SLC2A13: variants seen among roughly 807,000 people sequenced by gnomAD.
SLC2A13 encodes proton myo-inositol cotransporter.
Under a neutral mutation model 64.4 loss-of-function variants are expected in SLC2A13, and 32 were observed. That is an observed-to-expected ratio of 0.50 (90% CI 0.37 to 0.67). SLC2A13 has a LOEUF of 0.67. Ranked by LOEUF, SLC2A13 falls within the 30% of genes least tolerant of loss-of-function variation. The probability of loss-of-function intolerance (pLI) is 0.00; values close to 1 mark genes in which losing one functional copy is unlikely to be tolerated. For synonymous variants in SLC2A13, 338 were observed against 327.1 expected (o/e 1.03, Z -0.36); for missense variants, 743 against 829.2 (o/e 0.90, Z 1.28).
At chr12:39,915,833 A>T (rs1465014659) in intron 4 of SLC2A13, among the ~76,000 whole-genome samples, 1 of 152,028 alleles carries the variant, frequency 6.6e-6, no homozygotes, top group Non-Finnish European at 1.5e-5. Flanking sequence ...TTGGAAACTA[A>T]GGAGTCTTTA....
intron 9 of SLC2A13, among the ~76,000 whole-genome samples, chr12:39,764,068 C>T (rs1030495133): frequency 6.6e-6 from 1 of 152,104 alleles, no homozygotes; most frequent in African/African-American, 2.4e-5. Context: ...GACGCTATGC[C>T]TGTCACAGGA....
At chr12:39,764,438 G>C in intron 9 of SLC2A13, 22 bp downstream of exon 9, 1 of 1,531,902 alleles carries the variant, frequency 6.5e-7, no homozygotes, top group Non-Finnish European at 8.7e-7. Flanking sequence ...ACAAAACTAT[G>C]TTAGAAAAAA....
At chr12:39,867,695 C>G (rs964806257) in intron 5 of SLC2A13, among the ~76,000 whole-genome samples, 1 of 152,048 alleles carries the variant, frequency 6.6e-6, no homozygotes. Flanking sequence ...TATTTTGGCC[C>G]ATTTTGGAGG....
intron 4 of SLC2A13, among the ~76,000 whole-genome samples, chr12:39,927,272 C>T (rs1945746175): frequency 6.6e-6 from 1 of 152,106 alleles, no homozygotes; most frequent in Non-Finnish European, 1.5e-5. Flanking sequence ...TGCAAGTTTG[C>T]TTCTACCTTT....
chr12:39,840,522 C>T (rs1435729339), intron 6 of SLC2A13, among the ~76,000 whole-genome samples: 1 of 151,996 alleles, frequency 6.6e-6, no homozygotes, highest in Non-Finnish European at 1.5e-5. Context: ...GGGTGCTAGC[C>T]AGTCCAAAGA....
intron 1 of SLC2A13, among the ~76,000 whole-genome samples, chr12:40,093,843 T>G (rs1393519426): frequency 6.6e-6 from 1 of 152,106 alleles, no homozygotes; most frequent in East Asian, 1.9e-4. Context: ...CATGGGGTGC[T>G]GCAGACCACT....
At chr12:39,788,932 G>A (rs1183792757) in intron 7 of SLC2A13, among the ~76,000 whole-genome samples, 2 of 151,978 alleles carry the variant, frequency 1.3e-5, no homozygotes, top group African/African-American at 2.4e-5. Flanking sequence ...TTTCTAATAC[G>A]TATTTAAAAA....
intron 1 of SLC2A13, among the ~76,000 whole-genome samples, chr12:40,073,976 C>T (rs561642549): frequency 6.6e-6 from 1 of 152,014 alleles, no homozygotes; most frequent in South Asian, 2.1e-4. Context: ...TTCTCTCTTC[C>T]TGATATTTCT....
intron 7 of SLC2A13, among the ~76,000 whole-genome samples, chr12:39,805,025 A>AGAGAAGCCTTCTGGAGG (rs1941926003): frequency 6.8e-6 from 1 of 147,664 alleles, no homozygotes; most frequent in African/African-American, 2.5e-5. Flanking sequence ...CCTGCTGGAG[A>AGAGAAGCCTTCTGGAGG]GAGAAGCCTG....
At chr12:40,095,494 G>C (rs1938909660) in intron 1 of SLC2A13, among the ~76,000 whole-genome samples, 1 of 152,196 alleles carries the variant, frequency 6.6e-6, no homozygotes, top group Non-Finnish European at 1.5e-5. Flanking sequence ...ATATTTGCAG[G>C]ATATGTGTAT....
chr12:39,780,821 G>A (rs115260801), intron 7 of SLC2A13, among the ~76,000 whole-genome samples: 1,645 of 152,254 alleles, frequency 0.011, 25 homozygotes, highest in African/African-American at 0.036. Flanking sequence ...ATACAGTCAT[G>A]ACAGTAAGGA....
Position 40,042,959 on chromosome 12 carries a change from G to GAAA in SLC2A13, c.716+5089_716+5091dup, listed in dbSNP as rs58322891. Among the ~76,000 whole-genome samples the GAAA allele has an allele frequency of 3.9e-3, 435 of 111,416 alleles. 5 individuals are homozygous for GAAA. Among genetic ancestry groups the GAAA allele is most frequent in the African/African-American group, 8.9e-3 (254 of 28,686 alleles). The allele number at this position is 111,416 out of a possible 152,430, so 73.1% of individuals were successfully genotyped here. ...TACAGGCAAAAAAGAGCATAAGAATGAAAAAAAAAAAAAAAAAACTAGAAA... is the reference window on the plus strand; with the variant it reads ...TACAGGCAAAAAAGAGCATAAGAATGAAAAAAAAAAAAAAAAAAAAACTAGAAA... On this transcript the variant is annotated intron_variant, in intron 2 of 9. Transcript: ENST00000280871.
chr12:39,827,186 C>T (rs1942718216), intron 7 of SLC2A13, among the ~76,000 whole-genome samples: 1 of 151,714 alleles, frequency 6.6e-6, no homozygotes, highest in Non-Finnish European at 1.5e-5. Context: ...ACTTTTCATT[C>T]AATTTATTTA....
chr12:39,862,739 G>T (rs1367664803), intron 6 of SLC2A13, among the ~76,000 whole-genome samples: 5 of 152,088 alleles, frequency 3.3e-5, no homozygotes, highest in Admixed American at 3.3e-4. Flanking sequence ...GCATAATAGT[G>T]GACCATATTT....
intron 5 of SLC2A13, among the ~76,000 whole-genome samples, chr12:39,866,829 T>C (rs910729235): frequency 1.3e-5 from 2 of 152,154 alleles, no homozygotes; most frequent in African/African-American, 4.8e-5. Context: ...ATGATTATTA[T>C]TACAAGCAGC....
At chr12:39,975,585 C>T (rs1946744039) in intron 3 of SLC2A13, among the ~76,000 whole-genome samples, 1 of 152,160 alleles carries the variant, frequency 6.6e-6, no homozygotes, top group Admixed American at 6.6e-5. Flanking sequence ...TTATCCTTGG[C>T]AGATAAAACA....
intron 4 of SLC2A13, among the ~76,000 whole-genome samples, chr12:39,891,961 T>C (rs944142540): frequency 6.6e-6 from 1 of 152,178 alleles, no homozygotes; most frequent in Non-Finnish European, 1.5e-5. Context: ...TTGGGAAATA[T>C]GGTTATCTGA....
chr12:40,047,858 G>T (rs2136236902), intron 2 of SLC2A13, among the ~76,000 whole-genome samples, 193 bp downstream of exon 2: 1 of 152,220 alleles, frequency 6.6e-6, no homozygotes, highest in Non-Finnish European at 1.5e-5. Context: ...ATTCTTAATG[G>T]TAGGTTCCTT....
intron 7 of SLC2A13, among the ~76,000 whole-genome samples, chr12:39,776,035 A>ATC (rs1940762500): frequency 1.3e-5 from 2 of 152,198 alleles, no homozygotes; most frequent in Non-Finnish European, 2.9e-5. Flanking sequence ...GACAGTATTA[A>ATC]TTTGAGAAGA....
Sources: allele counts gnomAD v4.1 joint callset (sites outside exome capture counted in the v4.1 genomes callset), GRCh38; gene constraint gnomAD v4.1.1; transcripts MANE v1.5; gene names NCBI Gene and HGNC (gene_info 2026-07-23, HGNC 2026-07-21).